The following PRUNE2 variants were observed in gnomAD, a reference collection of about 807,000 sequenced individuals.
PRUNE2 encodes the protein prune homolog 2 with BCH domain.
PRUNE2 carries 164 observed loss-of-function variants against 252.0 expected under a neutral mutation model. The observed-to-expected ratio is 0.65, with a 90% confidence interval of 0.57 to 0.74. The LOEUF (loss-of-function observed/expected upper bound fraction) is 0.74. PRUNE2 is among the 30% of genes least tolerant of loss of function. The probability of loss-of-function intolerance (pLI) is 0.00; values close to 1 mark genes in which losing one functional copy is unlikely to be tolerated. For synonymous variants in PRUNE2, 1,292 were observed against 1,350.2 expected, an observed-to-expected ratio of 0.96 and a Z score of 0.94; for missense variants, 3,495 against 3,711.0, an observed-to-expected ratio of 0.94 and a Z score of 1.51.
chr9:76,793,758 GA>G (rs938125080), intron 6 of PRUNE2, among the ~76,000 whole-genome samples: 9 of 144,780 alleles, frequency 6.2e-5, no homozygotes, highest in Admixed American at 3.4e-4. Flanking sequence ...AAAGGAAAAA[GA>G]AAAAAAAAAG....
At chr9:76,833,921 G>T (rs1174135933) in intron 4 of PRUNE2, among the ~76,000 whole-genome samples, 1 of 144,644 alleles carries the variant, frequency 6.9e-6, no homozygotes, top group African/African-American at 2.6e-5. Context: ...TTGCTTGGTC[G>T]CCCAGGCCGG....
intron 9 of PRUNE2, among the ~76,000 whole-genome samples, chr9:76,661,797 T>C (rs1390980489): frequency 6.6e-6 from 1 of 152,048 alleles, no homozygotes; most frequent in African/African-American, 2.4e-5. Context: ...AAAAGAAATA[T>C]ATAAGAATAT....
Position 76,705,101 on chromosome 9 carries a change from CG to C in PRUNE2, c.7172del (p.Pro2391ArgfsTer21), listed in dbSNP as rs1564088962. The C allele has an allele frequency of 6.2e-7, 1 of 1,613,968 alleles. No individual in the cohort carries two copies. Among genetic ancestry groups the C allele is most frequent in the Non-Finnish European group, 8.5e-7 (1 of 1,179,884 alleles). ...EEDSLKQSLA[P>X]YTPPFDLSYL... ...AAGACAAATCAAAGGGAGGTGTGTACGGTGCCAGCGACTGCTTCAGAGAATC... is the reference window on the plus strand; with the variant it reads ...AAGACAAATCAAAGGGAGGTGTGTACGTGCCAGCGACTGCTTCAGAGAATC... On this transcript the variant is annotated frameshift_variant, in exon 8 of 19. Coordinates refer to ENST00000376718, the MANE Select transcript of PRUNE2 (RefSeq NM_015225.3). LOFTEE classifies it high-confidence loss of function.
In PRUNE2 at chr9:76,665,578, C is replaced by T. The variant is rs963965131; in HGVS notation, c.8277-10076G>A. Among the ~76,000 whole-genome samples, 5 of 152,194 alleles carry T rather than the reference C, an allele frequency of 3.3e-5. No homozygotes were observed. The East Asian group carries it at 9.6e-4, about 29-fold the overall frequency. ...CCCTCTCCACACACACATGAATCTCCTGGGGGACAAGCACACCCAGTGCTT... is the reference window on the plus strand; with the variant it reads ...CCCTCTCCACACACACATGAATCTCTTGGGGGACAAGCACACCCAGTGCTT... On this transcript the variant is annotated intron_variant, in intron 9 of 18. Coordinates refer to ENST00000376718, the MANE Select transcript of PRUNE2 (RefSeq NM_015225.3).
chr9:76,750,472 G>A (rs1276223544), intron 6 of PRUNE2, among the ~76,000 whole-genome samples: 2 of 152,112 alleles, frequency 1.3e-5, no homozygotes, highest in African/African-American at 4.8e-5. Flanking sequence ...GTGGCCAGAA[G>A]TACAGAGGAG....
chr9:76,777,051 T>C (rs898824878), intron 6 of PRUNE2, among the ~76,000 whole-genome samples: 13 of 151,922 alleles, frequency 8.6e-5, no homozygotes, highest in African/African-American at 3.1e-4. Context: ...GCCATCAGGG[T>C]AGCTTCCTCT....
chr9:76,697,485 G>C (rs1204701127), intron 9 of PRUNE2, among the ~76,000 whole-genome samples: 1 of 152,178 alleles, frequency 6.6e-6, no homozygotes, highest in Non-Finnish European at 1.5e-5. Context: ...AGCACTCACA[G>C]ATCCACCGTG....
chr9:76,739,838 C>T (rs894812557), intron 6 of PRUNE2: 4 of 152,156 alleles, frequency 2.6e-5, no homozygotes, highest in African/African-American at 9.7e-5. Context: ...GTAATCCCAG[C>T]TCTTTGGGAG....
At chr9:76,653,541 G>T (rs1479605435) in intron 10 of PRUNE2, among the ~76,000 whole-genome samples, 1 of 152,084 alleles carries the variant, frequency 6.6e-6, no homozygotes, top group Non-Finnish European at 1.5e-5. Context: ...TTTTTCTTCT[G>T]TGGTAGGTTG....
At chr9:76,658,320 T>TG (rs1343739423) in intron 9 of PRUNE2, among the ~76,000 whole-genome samples, 2 of 152,216 alleles carry the variant, frequency 1.3e-5, no homozygotes, top group Middle Eastern at 3.4e-3. Flanking sequence ...ATGGTGCCAT[T>TG]GCACTCCAGC....
intron 6 of PRUNE2, among the ~76,000 whole-genome samples, chr9:76,751,900 G>C (rs2050642313): frequency 6.6e-6 from 1 of 152,088 alleles, no homozygotes; most frequent in African/African-American, 2.4e-5. Flanking sequence ...TATCAAATTT[G>C]GATCTCATGA....
At chr9:76,854,243 CA>C (rs776790360) in intron 1 of PRUNE2, 35 bp from the exon 2 acceptor site, 3 of 1,151,584 alleles carry the variant, frequency 2.6e-6, no homozygotes, top group African/African-American at 3.0e-5. Context: ...CACAATTTAA[CA>C]GGTGACAGAT....
At chr9:76,741,464 A>T (rs908366041) in intron 6 of PRUNE2, among the ~76,000 whole-genome samples, 14 of 152,234 alleles carry the variant, frequency 9.2e-5, no homozygotes, top group Admixed American at 3.9e-4. Context: ...TGGTGGGACC[A>T]GGGGAAAGCA....
chr9:76,866,000 T>A lies in PRUNE2; in HGVS notation c.37-11792A>T, dbSNP rs550747033. On this transcript the variant is annotated intron_variant, in intron 1 of 18. Coordinates refer to ENST00000376718, the MANE Select transcript of PRUNE2 (RefSeq NM_015225.3). ...CAAGACAAGATTCTTGACTTCTGAGTTGCTACCACATTCTAATTCATCTAT... is the reference window on the plus strand; with the variant it reads ...CAAGACAAGATTCTTGACTTCTGAGATGCTACCACATTCTAATTCATCTAT... Among the ~76,000 whole-genome samples, 5 of 152,336 alleles carry A rather than the reference T, an allele frequency of 3.3e-5. No homozygotes were observed. The South Asian group carries it at 8.3e-4, about 25-fold the overall frequency.
chr9:76,867,647 C>T (rs1425450543), intron 1 of PRUNE2, among the ~76,000 whole-genome samples: 1 of 152,208 alleles, frequency 6.6e-6, no homozygotes, highest in African/African-American at 2.4e-5. Context: ...CGGCTCACTG[C>T]AACCTCCACC....
intron 11 of PRUNE2, among the ~76,000 whole-genome samples, chr9:76,651,322 C>G (rs1451079237): frequency 2.0e-5 from 3 of 152,100 alleles, no homozygotes; most frequent in Non-Finnish European, 4.4e-5. Flanking sequence ...AGAGTCTGAA[C>G]TGCACTGCTC....
chr9:76,816,616 T>C (rs2057712845), intron 6 of PRUNE2, among the ~76,000 whole-genome samples: 1 of 152,218 alleles, frequency 6.6e-6, no homozygotes, highest in African/African-American at 2.4e-5. Context: ...TTAAGTGCTT[T>C]TGGAATTTTC....
At position 76,709,874 on chromosome 9, in the gene PRUNE2, C is replaced by G. The variant is rs2046585994; in HGVS notation, c.2400G>C (p.Trp800Cys). ...EPAAVAPFPA[W>C]SAFGKEDHDE... ...CATGATCTTCTTTACCAAATGCACTCCAGGCTGGGAATGGCGCCACAGCTG... is the reference window on the plus strand; with the variant it reads ...CATGATCTTCTTTACCAAATGCACTGCAGGCTGGGAATGGCGCCACAGCTG... The change falls in exon 8 of 19, where the codon TGG becomes TGC. Residue 800 changes from tryptophan to cysteine, a missense_variant. Coordinates refer to ENST00000376718, the MANE Select transcript of PRUNE2 (RefSeq NM_015225.3). The G allele has an allele frequency of 4.3e-6, 7 of 1,613,866 alleles. No individual in the cohort carries two copies. The highest frequency in any genetic ancestry group is 5.9e-6 in the Non-Finnish European group (7 of 1,179,870).
chr9:76,666,058 C>A (rs1184692013), intron 9 of PRUNE2, among the ~76,000 whole-genome samples: 1 of 152,114 alleles, frequency 6.6e-6, no homozygotes, highest in African/African-American at 2.4e-5. Context: ...CCAGGCCATA[C>A]AGTGATAGGA....
Sources: gnomAD v4.1 joint callset for allele counts (sites outside exome capture counted in the v4.1 genomes callset) on GRCh38, gnomAD v4.1.1 for gene constraint, MANE v1.5 for transcripts, NCBI Gene and HGNC (gene_info 2026-07-23, HGNC 2026-07-21) for gene names.